BPTF: variants seen among roughly 807,000 people sequenced by gnomAD.
BPTF encodes bromodomain PHD finger transcription factor.
Under a neutral mutation model 292.5 loss-of-function variants are expected in BPTF, and 18 were observed. The observed-to-expected ratio is 0.06, with a 90% CI of 0.04 to 0.09. The LOEUF (loss-of-function observed/expected upper bound fraction) is 0.09. Ranked by LOEUF, BPTF falls within the 10% of genes least tolerant of loss-of-function variation. The pLI is 1.00. For missense variants in BPTF, 2,726 were observed against 3,498.7 expected (o/e 0.78, Z 5.57); for synonymous variants, 1,225 against 1,251.9 (o/e 0.98, Z 0.45).
At chr17:67,830,676 A>T (rs1375789821) in intron 1 of BPTF, among the ~76,000 whole-genome samples, 2 of 152,170 alleles carry the variant, frequency 1.3e-5, no homozygotes, top group Non-Finnish European at 2.9e-5. Context: ...AGGCACTGAT[A>T]GTAAAGTGTG....
chr17:67,878,418 T>G (rs1283144423), intron 4 of BPTF, among the ~76,000 whole-genome samples: 1 of 152,222 alleles, frequency 6.6e-6, no homozygotes, highest in East Asian at 1.9e-4. Flanking sequence ...TTGTGGATTT[T>G]CTAGGTCATG....
At chr17:67,953,966 T>C (rs868920254) in intron 23 of BPTF, among the ~76,000 whole-genome samples, 183 of 3,422 alleles carry the variant, frequency 0.053, no homozygotes, top group Admixed American at 0.079. Flanking sequence ...CTTTTCTTTT[T>C]TTTTTTTTTT....
At chr17:67,914,704 A>G (rs2147009020) in intron 11 of BPTF, among the ~76,000 whole-genome samples, 1 of 151,892 alleles carries the variant, frequency 6.6e-6, no homozygotes, top group African/African-American at 2.4e-5. Flanking sequence ...TCTTCTCTGA[A>G]CTCTCCAGGA....
In BPTF at chr17:67,947,742, A is replaced by C. The variant is rs782773177; in HGVS notation, c.7634A>C (p.Asn2545Thr). The C allele has an allele frequency of 6.4e-7, 1 of 1,554,798 alleles. No homozygotes were observed. The highest frequency in any genetic ancestry group is 8.7e-7 in the Non-Finnish European group (1 of 1,148,332). The change falls in exon 22 of 28, where the codon AAT becomes ACT. Residue 2545 changes from asparagine to threonine, a missense_variant. Asn to Thr is a moderately conservative substitution (Grantham distance 65, BLOSUM62 0). Coordinates refer to ENST00000306378, the MANE Select transcript of BPTF (RefSeq NM_182641.4). Reference sequence around the variant, plus strand: ...GTCCTGAAGGTGGTGATGAAGCATAATGCTGTAATAGAACATTTAAAACAG... The same window carrying C: ...GTCCTGAAGGTGGTGATGAAGCATACTGCTGTAATAGAACATTTAAAACAG... ...IIQKQVVMKH[N>T]AVIEHLKQKK... is the part of the protein sequence containing the mutation.
chr17:67,960,673 G>C lies in BPTF; in HGVS notation c.8261+798G>C, dbSNP rs140573996. Among the ~76,000 whole-genome samples, 324 of 152,182 alleles carry C rather than the reference G, an allele frequency of 2.1e-3. 2 individuals carry two copies. Among genetic ancestry groups the C allele is most frequent in the South Asian group, 0.016 (75 of 4,818 alleles). On this transcript the variant is annotated intron_variant, in intron 24 of 27. Coordinates refer to ENST00000306378, the MANE Select transcript of BPTF (RefSeq NM_182641.4). ...CAGTTAACCACCATACTTTTTACAG[G>C]ACCAAAAAGTCTGATTGTGCTTTAA...
At chr17:67,844,373 G>A (rs2057856787) in intron 1 of BPTF, among the ~76,000 whole-genome samples, 1 of 149,250 alleles carries the variant, frequency 6.7e-6, no homozygotes, top group African/African-American at 2.5e-5. Context: ...TCAGCCTCCC[G>A]AGTAGCTGGG....
At position 67,912,691 on chromosome 17, in the gene BPTF, A is replaced by G; in HGVS notation, c.4807A>G (p.Ile1603Val). Reference protein sequence around the residue: ...STVATESKTVIKVEKGDKQTV... With the variant: ...STVATESKTVVKVEKGDKQTV... Reference sequence around the variant, plus strand: ...AGTGGCCACAGAATCAAAAACTGTGATCAAGGTAGAAAAAGGCGATAAGCA... The same window carrying G: ...AGTGGCCACAGAATCAAAAACTGTGGTCAAGGTAGAAAAAGGCGATAAGCA... The change falls in exon 11 of 28, where the codon ATC becomes GTC. Residue 1603 changes from isoleucine (I) to valine (V), a missense_variant. Physicochemically the swap from Ile to Val is conservative, Grantham distance 29. Coordinates refer to ENST00000306378, the MANE Select transcript of BPTF (RefSeq NM_182641.4). 6.2e-7 allele frequency: 1 copy of G among 1,614,084 alleles called. No homozygotes were observed. The highest frequency in any genetic ancestry group is 8.5e-7 in the Non-Finnish European group (1 of 1,180,046).
chr17:67,937,732 G>A (rs528769256), intron 18 of BPTF, among the ~76,000 whole-genome samples: 3 of 152,258 alleles, frequency 2.0e-5, no homozygotes, highest in Admixed American at 6.5e-5. Flanking sequence ...TCAGAGAGGT[G>A]GAGGGTGGGT....
At chr17:67,850,966 GATATA>G (rs2058359350) in intron 1 of BPTF, among the ~76,000 whole-genome samples, 1 of 152,150 alleles carries the variant, frequency 6.6e-6, no homozygotes, top group African/African-American at 2.4e-5. Flanking sequence ...ATAAACAAAT[GATATA>G]ATAAGCAAAT....
intron 27 of BPTF, among the ~76,000 whole-genome samples, chr17:67,976,800 A>G (rs1297466421): frequency 6.6e-6 from 1 of 152,026 alleles, no homozygotes; most frequent in Admixed American, 6.6e-5. Context: ...CTCAGCAAAT[A>G]ACTTTTGAGA....
rs561923700 is a variant in BPTF, at chr17:67,972,273, T to A, written c.8540-3499T>A. 8.5e-5 allele frequency among the ~76,000 whole-genome samples: 13 copies of A among 152,290 alleles called. No homozygotes were observed. The South Asian group carries it at 2.7e-3, about 32-fold the overall frequency. On this transcript the variant is annotated intron_variant, in intron 26 of 27. Transcript: ENST00000306378. ...TTTTTTGAGAAGGAATCTCACTCTG[T>A]CACCCAGGCTGGAGTGCAGTGTCGT...
intron 11 of BPTF, among the ~76,000 whole-genome samples, chr17:67,918,296 G>A (rs2063191076): frequency 6.6e-6 from 1 of 152,100 alleles, no homozygotes; most frequent in African/African-American, 2.4e-5. Context: ...CAAAAGTTAG[G>A]ATTTTTCCTT....
chr17:67,841,253 CA>C (rs1197972581), intron 1 of BPTF, among the ~76,000 whole-genome samples: 3 of 151,654 alleles, frequency 2.0e-5, no homozygotes, highest in Non-Finnish European at 4.4e-5. Flanking sequence ...ACTAAAAATA[CA>C]AAAAATTAGC....
intron 2 of BPTF, among the ~76,000 whole-genome samples, chr17:67,858,728 A>G (rs750093355): frequency 3.3e-5 from 5 of 152,250 alleles, no homozygotes; most frequent in Non-Finnish European, 7.3e-5. Flanking sequence ...CATAGTCATC[A>G]GGATGGCTGG....
chr17:67,861,741 C>A (rs187024775), intron 2 of BPTF, among the ~76,000 whole-genome samples: 2 of 152,276 alleles, frequency 1.3e-5, no homozygotes, highest in East Asian at 3.9e-4. Context: ...TAGCACAGAT[C>A]CCTAACTTTG....
At chr17:67,850,914 G>A (rs1267743696) in intron 1 of BPTF, among the ~76,000 whole-genome samples, 1 of 151,896 alleles carries the variant, frequency 6.6e-6, no homozygotes, top group East Asian at 1.9e-4. Flanking sequence ...TACCTTTAAG[G>A]GTAAACAAGC....
rs149278101 is a variant in BPTF, at chr17:67,912,035, C to T, written c.4151C>T (p.Thr1384Ile). The T allele has an allele frequency of 1.9e-6, 3 of 1,612,078 alleles. No homozygotes were observed. The highest frequency in any genetic ancestry group is 2.5e-6 in the Non-Finnish European group (3 of 1,179,488). Residue 1384 changes from threonine to isoleucine, a missense_variant, in exon 11 of 28, where the codon ACC (threonine) becomes ATC (isoleucine). By Grantham distance (89) the Thr-to-Ile change is moderately conservative. Coordinates refer to ENST00000306378, the MANE Select transcript of BPTF (RefSeq NM_182641.4). ...KCSDQIKLKNTTDKKNNENRE... is the reference protein window; with the variant it reads ...KCSDQIKLKNITDKKNNENRE... ...AGTGATCAAATAAAGCTAAAAAATACCACTGACAAAAAGAATAATGAAAAT... is the reference window on the plus strand; with the variant it reads ...AGTGATCAAATAAAGCTAAAAAATATCACTGACAAAAAGAATAATGAAAAT...
chr17:67,861,893 C>G (rs1795241824), intron 2 of BPTF, among the ~76,000 whole-genome samples: 1 of 152,176 alleles, frequency 6.6e-6, no homozygotes, highest in Non-Finnish European at 1.5e-5. Flanking sequence ...TCTTTGCCTG[C>G]ACCCCTTTCT....
intron 3 of BPTF, among the ~76,000 whole-genome samples, chr17:67,873,548 C>T (rs1004436965): frequency 2.5e-4 from 38 of 151,290 alleles, no homozygotes; most frequent in African/African-American, 8.8e-4. Flanking sequence ...TATGAGGAAA[C>T]AGTTTAGCAA....
Sources: allele counts gnomAD v4.1 joint callset (sites outside exome capture counted in the v4.1 genomes callset), GRCh38; gene constraint gnomAD v4.1.1; transcripts MANE v1.5; gene names NCBI Gene and HGNC (gene_info 2026-07-23, HGNC 2026-07-21).